RAD51B: variants seen among roughly 807,000 people sequenced by gnomAD.
RAD51B encodes the protein DNA repair protein RAD51 homolog 2.
A neutral mutation model predicts 42.2 loss-of-function variants in RAD51B; 38 were observed. The observed-to-expected ratio is 0.90, with a 90% CI of 0.70 to 1.18. The LOEUF is 1.18. RAD51B is among the 50% of genes most tolerant of loss of function. The pLI is 0.00. For synonymous variants in RAD51B, 154 were observed against 145.2 expected (o/e 1.06, Z -0.43); for missense variants, 373 against 400.7 (o/e 0.93, Z 0.59).
At chr14:68,330,616 C>T (rs748953199) in intron 8 of RAD51B, among the ~76,000 whole-genome samples, 1 of 152,070 alleles carries the variant, frequency 6.6e-6, no homozygotes, top group Non-Finnish European at 1.5e-5. Context: ...TCATTCTGCC[C>T]AGGAGTTACT....
intron 7 of RAD51B, among the ~76,000 whole-genome samples, chr14:67,917,910 T>C (rs752218060): frequency 6.6e-5 from 10 of 152,198 alleles, no homozygotes; most frequent in Non-Finnish European, 1.0e-4. Context: ...TGATTAAATA[T>C]GGTGAATGTA....
chr14:68,115,934 G>T (rs1443601465), intron 7 of RAD51B, among the ~76,000 whole-genome samples: 1 of 151,608 alleles, frequency 6.6e-6, no homozygotes, highest in African/African-American at 2.4e-5. Flanking sequence ...TTATTAAGAG[G>T]TTCAGGGAGT....
chr14:68,125,108 T>A (rs2077729777), intron 7 of RAD51B: 1 of 152,216 alleles, frequency 6.6e-6, no homozygotes, highest in Non-Finnish European at 1.5e-5. Flanking sequence ...ATGCCAGCAG[T>A]AACATTGTTG....
intron 9 of RAD51B, among the ~76,000 whole-genome samples, chr14:68,455,954 T>C (rs1346300515): frequency 6.6e-6 from 1 of 152,218 alleles, no homozygotes; most frequent in East Asian, 1.9e-4. Flanking sequence ...TAGAGCTATA[T>C]TGATGCACAT....
At chr14:68,032,780 C>G (rs1168157990) in intron 7 of RAD51B, among the ~76,000 whole-genome samples, 2 of 152,168 alleles carry the variant, frequency 1.3e-5, no homozygotes, top group Non-Finnish European at 2.9e-5. Flanking sequence ...TTTTCTTGCT[C>G]TTAGGGCAGA....
intron 7 of RAD51B, among the ~76,000 whole-genome samples, chr14:67,951,708 CAT>C (rs1323892977): frequency 6.6e-6 from 1 of 152,122 alleles, no homozygotes; most frequent in Non-Finnish European, 1.5e-5. Flanking sequence ...GTTTTTATAA[CAT>C]ATAAATCATA....
chr14:68,655,162 C>T (rs1189644499), intron 11 of RAD51B, among the ~76,000 whole-genome samples: 8 of 151,646 alleles, frequency 5.3e-5, no homozygotes, highest in East Asian at 1.9e-4. Flanking sequence ...TATGTGTGTG[C>T]GCCAGCTAGC....
At chr14:67,820,082 G>A (rs2040574845) in intron 1 of RAD51B, among the ~76,000 whole-genome samples, 1 of 152,048 alleles carries the variant, frequency 6.6e-6, no homozygotes, top group Non-Finnish European at 1.5e-5. Context: ...GCTCATTGTT[G>A]GAAAAAGCTC....
chr14:67,992,046 T>C (rs1396168699), intron 7 of RAD51B, among the ~76,000 whole-genome samples: 1 of 152,212 alleles, frequency 6.6e-6, no homozygotes, highest in Non-Finnish European at 1.5e-5. Context: ...CATTGTGATC[T>C]TAGGAATGTC....
Position 68,425,987 on chromosome 14 carries a change from C to T in RAD51B, c.957+14460C>T, listed in dbSNP as rs8005718. Among the ~76,000 whole-genome samples, 110 of 45,386 alleles carry T rather than the reference C, an allele frequency of 2.4e-3. 1 individual carries two copies. The highest frequency in any genetic ancestry group is 8.9e-3 in the Middle Eastern group (1 of 112). 29.8% of individuals were successfully genotyped at this position (45,386 alleles called of 152,430 possible). A position where few individuals can be genotyped will look rare whatever the true frequency, so the allele number is the denominator to read the frequency against. ...TTCTTTCTTTCTTTCTTCCTTCCTTCCTTCCTTCCTTCCTTCCTTCCTTTC... is the reference window on the plus strand; with the variant it reads ...TTCTTTCTTTCTTTCTTCCTTCCTTTCTTCCTTCCTTCCTTCCTTCCTTTC... On this transcript the variant is annotated intron_variant, in intron 9 of 10. Coordinates refer to ENST00000471583, the MANE Select transcript of RAD51B (RefSeq NM_133510.4).
At position 68,408,331 on chromosome 14, in the gene RAD51B, A is replaced by G. The variant is rs374769423; in HGVS notation, c.854-3093A>G. ...TAACTGGAGGGTCAAAGGAAGGAAC[A>G]GAGATGGAGTAGATTTATATGGGAA... On this transcript the variant is annotated intron_variant, in intron 8 of 10. Transcript: ENST00000471583. 1.1e-3 allele frequency among the ~76,000 whole-genome samples: 173 copies of G among 152,366 alleles called. 1 individual carries two copies. The highest frequency in any genetic ancestry group is 4.0e-3 in the African/African-American group (166 of 41,590).
At chr14:67,997,312 G>A (rs1284933635) in intron 7 of RAD51B, among the ~76,000 whole-genome samples, 1 of 152,160 alleles carries the variant, frequency 6.6e-6, no homozygotes, top group Non-Finnish European at 1.5e-5. Flanking sequence ...GCAAAGTAGG[G>A]GAAAAGAGGG....
intron 8 of RAD51B, among the ~76,000 whole-genome samples, chr14:68,398,521 C>T (rs889886072): frequency 6.6e-6 from 1 of 152,120 alleles, no homozygotes; most frequent in Non-Finnish European, 1.5e-5. Context: ...GACCTGGGCC[C>T]GGTAACCAGC....
At chr14:67,886,970 A>G (rs752481677) in intron 6 of RAD51B, 51 bp from the exon 7 acceptor site, 2 of 1,198,058 alleles carry the variant, frequency 1.7e-6, no homozygotes, top group Admixed American at 5.6e-5. Flanking sequence ...ACCTTTATTT[A>G]TTTATTTTAT....
chr14:68,018,748 A>G (rs2075817985), intron 7 of RAD51B, among the ~76,000 whole-genome samples: 1 of 152,238 alleles, frequency 6.6e-6, no homozygotes, highest in African/African-American at 2.4e-5. Flanking sequence ...TGAGTCAAGT[A>G]GCAAAACCTT....
chr14:68,636,869 G>A (rs1892351855), intron 10 of RAD51B, among the ~76,000 whole-genome samples: 1 of 152,230 alleles, frequency 6.6e-6, no homozygotes, highest in Non-Finnish European at 1.5e-5. Flanking sequence ...CCCTGCATGA[G>A]GGAAGGTGGG....
chr14:67,830,601 C>T (rs1830387753), intron 3 of RAD51B, among the ~76,000 whole-genome samples: 1 of 152,036 alleles, frequency 6.6e-6, no homozygotes, highest in Non-Finnish European at 1.5e-5. Flanking sequence ...GGGGTTTTGC[C>T]ATTGTCCAGG....
At chr14:68,496,673 A>G (rs1884547670) in intron 10 of RAD51B, among the ~76,000 whole-genome samples, 1 of 152,264 alleles carries the variant, frequency 6.6e-6, no homozygotes, top group Admixed American at 6.5e-5. Flanking sequence ...CTTCTGGCGC[A>G]TGGCAGGACC....
At chr14:67,871,168 A>C (rs2042516707) in intron 5 of RAD51B, among the ~76,000 whole-genome samples, 1 of 152,168 alleles carries the variant, frequency 6.6e-6, no homozygotes, top group Admixed American at 6.5e-5. Context: ...TGAAAGGATC[A>C]GCAAAATTGA....
Sources: gnomAD v4.1 joint callset for allele counts (sites outside exome capture counted in the v4.1 genomes callset) on GRCh38, gnomAD v4.1.1 for gene constraint, MANE v1.5 for transcripts, NCBI Gene and HGNC (gene_info 2026-07-23, HGNC 2026-07-21) for gene names.